Variants in TNKS observed in about 807,000 individuals in gnomAD.
The protein encoded by TNKS is poly [ADP-ribose] polymerase tankyrase-1.
A neutral mutation model predicts 135.8 loss-of-function variants in TNKS; 72 were observed. The ratio of observed to expected loss-of-function variants is 0.53; its 90% CI spans 0.44 to 0.64. The LOEUF is 0.64. Ranked by LOEUF, TNKS falls within the 30% of genes least tolerant of loss-of-function variation. The pLI is 0.00. For synonymous variants in TNKS, 849 were observed against 649.3 expected (o/e 1.31, Z -4.68); for missense variants, 1,769 against 1,674.0 (o/e 1.06, Z -0.99).
intron 17 of TNKS, among the ~76,000 whole-genome samples, chr8:9,746,055 T>C (rs2128825169): frequency 6.6e-6 from 1 of 152,240 alleles, no homozygotes; most frequent in East Asian, 1.9e-4. Context: ...AAAGCCTCAA[T>C]GTGTGGTAGT....
intron 3 of TNKS, among the ~76,000 whole-genome samples, chr8:9,672,954 T>A (rs1802367603): frequency 6.6e-6 from 1 of 152,226 alleles, no homozygotes; most frequent in Admixed American, 6.5e-5. Flanking sequence ...GCTGTTTTCT[T>A]TTAAAGTACC....
At chr8:9,744,215 GT>G (rs1447717279) in intron 17 of TNKS, among the ~76,000 whole-genome samples, 1 of 152,112 alleles carries the variant, frequency 6.6e-6, no homozygotes, top group Admixed American at 6.5e-5. Context: ...AATGCCTTGT[GT>G]TATATTTGAA....
At chr8:9,614,710 A>G (rs1799576216) in intron 2 of TNKS, among the ~76,000 whole-genome samples, 2 of 152,306 alleles carry the variant, frequency 1.3e-5, no homozygotes, top group Non-Finnish European at 1.5e-5. Flanking sequence ...TAATACATTC[A>G]TTGATTTAAT....
intron 3 of TNKS, among the ~76,000 whole-genome samples, chr8:9,618,177 G>A (rs1305653439): frequency 6.6e-6 from 1 of 152,038 alleles, no homozygotes; most frequent in Non-Finnish European, 1.5e-5. Flanking sequence ...AGTAGAGACG[G>A]GGTTTCACCA....
chr8:9,712,461 C>CAGAGCA (rs1254679494), intron 11 of TNKS, among the ~76,000 whole-genome samples: 2 of 152,068 alleles, frequency 1.3e-5, no homozygotes, highest in Admixed American at 6.5e-5. Flanking sequence ...GCCTGGGCAA[C>CAGAGCA]AGAGCAAGAC....
chr8:9,584,969 TGAAAAATAACAGCCCATCTCAGCCA>T, intron 2 of TNKS, among the ~76,000 whole-genome samples: 1 of 151,782 alleles, frequency 6.6e-6, no homozygotes, highest in East Asian at 1.9e-4. Flanking sequence ...GCAAACCAAG[TGAAAAATAACAGCCCATCTCAGCCA>T]GAAGGGATGA....
intron 1 of TNKS, among the ~76,000 whole-genome samples, chr8:9,570,044 C>T (rs1351175824): frequency 6.6e-6 from 1 of 152,010 alleles, no homozygotes; most frequent in Non-Finnish European, 1.5e-5. Flanking sequence ...ACATTTTACA[C>T]CTTAATCTAT....
chr8:9,580,652 A>G (rs1258055111), intron 2 of TNKS, among the ~76,000 whole-genome samples: 2 of 152,222 alleles, frequency 1.3e-5, no homozygotes, highest in Non-Finnish European at 2.9e-5. Flanking sequence ...TAGTTAATTT[A>G]TAGTCTCTTT....
chr8:9,754,504 GCTTT>G (rs1806733213), intron 20 of TNKS, among the ~76,000 whole-genome samples: 1 of 151,600 alleles, frequency 6.6e-6, no homozygotes. Flanking sequence ...TTTTTTTTCT[GCTTT>G]CTCTCTTTTT....
At chr8:9,671,916 C>CT (rs1802285616) in intron 3 of TNKS, among the ~76,000 whole-genome samples, 2 of 152,170 alleles carry the variant, frequency 1.3e-5, no homozygotes. Context: ...GCATGATGCT[C>CT]TGAGTATGGT....
At chr8:9,720,284 A>ATTT in intron 11 of TNKS, 90 bp from the exon 12 acceptor site, 6 of 1,154,880 alleles carry the variant, frequency 5.2e-6, no homozygotes, top group South Asian at 2.1e-5. Flanking sequence ...TTGAAAGTTG[A>ATTT]TTTTTTTTTC....
intron 3 of TNKS, among the ~76,000 whole-genome samples, chr8:9,663,630 T>C (rs1051845729): frequency 6.6e-6 from 1 of 152,232 alleles, no homozygotes; most frequent in African/African-American, 2.4e-5. Flanking sequence ...TAGGTTGTCA[T>C]CTATACTTCT....
At chr8:9,587,199 TAGAAGTAGAA>T (rs1320879637) in intron 2 of TNKS, among the ~76,000 whole-genome samples, 2 of 152,024 alleles carry the variant, frequency 1.3e-5, no homozygotes, top group Admixed American at 1.3e-4. Context: ...CCAGATTCCT[TAGAAGTAGAA>T]GAGGGAGGCA....
chr8:9,639,116 G>C (rs956946803), intron 3 of TNKS, among the ~76,000 whole-genome samples: 14 of 152,084 alleles, frequency 9.2e-5, no homozygotes, highest in Non-Finnish European at 1.9e-4. Context: ...TCTGCCAATA[G>C]GTTTGCTATT....
chr8:9,776,718 C>G lies in TNKS; in HGVS notation c.3966C>G (p.Ala1322=), dbSNP rs370002383. Residue 1322 remains alanine, a synonymous_variant, in exon 27 of 27, where the codon GCC becomes GCG. Transcript: ENST00000310430. ...AAGCCCCTTCCCAGACCGCAACAGC[C>G]GCAGAGCAGAAGACCTAGTGAATGC... is the stretch of plus-strand genomic sequence containing the variant. ...KPEAPSQTAT[A]AEQKT 1.9e-6 allele frequency: 3 copies of G among 1,613,948 alleles called. No homozygotes were observed. In the South Asian group the frequency reaches 3.3e-5, roughly 18 times the overall value.
chr8:9,557,723 C>G (rs904215361), intron 1 of TNKS: 7 of 152,148 alleles, frequency 4.6e-5, no homozygotes, highest in Non-Finnish European at 1.0e-4. Flanking sequence ...ATATATATCA[C>G]TTCTTCAGTT....
chr8:9,589,489 C>T (rs75468194), intron 2 of TNKS, among the ~76,000 whole-genome samples: 3,212 of 152,344 alleles, frequency 0.021, 110 homozygotes, highest in African/African-American at 0.07. Context: ...TGTCAGCCTT[C>T]TCATTAGAAT....
chr8:9,563,307 A>G (rs901247854), intron 1 of TNKS, among the ~76,000 whole-genome samples: 2 of 152,034 alleles, frequency 1.3e-5, no homozygotes, highest in African/African-American at 2.4e-5. Context: ...TTTTTTATTA[A>G]CTTTTTTTCT....
At chr8:9,697,699 A>T (rs1402366212) in intron 5 of TNKS, among the ~76,000 whole-genome samples, 1 of 152,190 alleles carries the variant, frequency 6.6e-6, no homozygotes, top group Non-Finnish European at 1.5e-5. Context: ...TATCATTACT[A>T]ATCATCAGAG....
Sources: gnomAD v4.1 joint callset for allele counts (sites outside exome capture counted in the v4.1 genomes callset) on GRCh38, gnomAD v4.1.1 for gene constraint, MANE v1.5 for transcripts, NCBI Gene and HGNC (gene_info 2026-07-23, HGNC 2026-07-21) for gene names.